CWC27: variants seen among roughly 807,000 people sequenced by gnomAD.
CWC27 encodes CWC27 spliceosome associated cyclophilin.
In CWC27, 47 loss-of-function variants were observed where a neutral mutation model predicts 63.6. The observed-to-expected ratio is 0.74, with a 90% CI of 0.58 to 0.94. The LOEUF is 0.94. CWC27 is among the 40% of genes least tolerant of loss of function. The pLI, the probability that CWC27 is intolerant of heterozygous loss-of-function variation, is 0.00. For synonymous variants in CWC27, 175 were observed against 179.8 expected, an observed-to-expected ratio of 0.97 and a Z score of 0.22; for missense variants, 495 against 554.3, an observed-to-expected ratio of 0.89 and a Z score of 1.07.
At chr5:64,928,861 G>GTT (rs1359588938) in intron 11 of CWC27, among the ~76,000 whole-genome samples, 1 of 151,928 alleles carries the variant, frequency 6.6e-6, no homozygotes. Flanking sequence ...AATAAGTAAT[G>GTT]TTACACTGCT....
chr5:64,818,754 G>C (rs1325429849), intron 10 of CWC27, among the ~76,000 whole-genome samples: 1 of 152,184 alleles, frequency 6.6e-6, no homozygotes, highest in Non-Finnish European at 1.5e-5. Flanking sequence ...GATGGTACTG[G>C]AGAATAGCCC....
intron 1 of CWC27, among the ~76,000 whole-genome samples, chr5:64,774,415 A>G (rs1372730137): frequency 6.6e-6 from 1 of 152,230 alleles, no homozygotes; most frequent in Non-Finnish European, 1.5e-5. Context: ...CGTTTTCTAA[A>G]TGAATGAAGT....
In CWC27 at chr5:64,783,838, T is replaced by A. The variant is rs1433799113; in HGVS notation, c.255T>A (p.Asp85Glu). 1 of 1,569,784 alleles carries A rather than the reference T, an allele frequency of 6.4e-7. No homozygotes were observed. The highest frequency in any genetic ancestry group is 1.4e-5 in the African/African-American group (1 of 72,502). ...CACTAAATCTTTTTACATTTCAGGA[T>A]GAATTTCATTCACGGTTGCGTTTTA... Reference protein sequence around the residue: ...GESIYGAPFKDEFHSRLRFNR... With the variant: ...GESIYGAPFKEEFHSRLRFNR... The change falls in exon 4 of 14, where the codon GAT becomes GAA. Residue 85 changes from aspartate to glutamate, a missense_variant and splice_region_variant. Physicochemically the swap from Asp to Glu is conservative, Grantham distance 45. This residue lies in a region of CWC27 where 463 missense variants were observed against 498.1 expected (regional missense o/e 0.93). Transcript: ENST00000381070.
chr5:64,831,534 G>A (rs1407909660), intron 10 of CWC27, among the ~76,000 whole-genome samples: 3 of 151,006 alleles, frequency 2.0e-5, no homozygotes, highest in Non-Finnish European at 4.4e-5. Flanking sequence ...AGATAGATAT[G>A]GATATAGATA....
At position 64,877,796 on chromosome 5, in the gene CWC27, G is replaced by T. The variant is rs567235148; in HGVS notation, c.939-7647G>T. 2.6e-5 allele frequency among the ~76,000 whole-genome samples: 4 copies of T among 152,042 alleles called. No individual in the cohort carries two copies. In the East Asian group the frequency reaches 5.8e-4, roughly 22 times the overall value. ...GTGGTTAGCAGGTTGAGTGAAAACTGCATGAAGAATTAAGATGTCAGTGTC... is the reference window on the plus strand; with the variant it reads ...GTGGTTAGCAGGTTGAGTGAAAACTTCATGAAGAATTAAGATGTCAGTGTC... On this transcript the variant is annotated intron_variant, in intron 10 of 13. Coordinates refer to ENST00000381070, the MANE Select transcript of CWC27 (RefSeq NM_005869.4).
At chr5:64,779,860 A>G (rs372884893) in intron 2 of CWC27, among the ~76,000 whole-genome samples, 28 of 152,314 alleles carry the variant, frequency 1.8e-4, no homozygotes, top group African/African-American at 6.5e-4. Context: ...TGATGGTTTT[A>G]TAAGCATCTG....
chr5:64,953,386 T>C (rs1748746235), intron 11 of CWC27, among the ~76,000 whole-genome samples: 1 of 151,954 alleles, frequency 6.6e-6, no homozygotes, highest in Admixed American at 6.6e-5. Context: ...TTCACCCGAG[T>C]GAGTGACAGA....
At chr5:64,949,110 AC>A (rs1250817602) in intron 11 of CWC27, among the ~76,000 whole-genome samples, 4 of 151,828 alleles carry the variant, frequency 2.6e-5, no homozygotes, top group Admixed American at 1.3e-4. Flanking sequence ...CTTTATTTAG[AC>A]TTTTTAGATA....
At chr5:65,006,532 G>A (rs1749844572) in intron 13 of CWC27, among the ~76,000 whole-genome samples, 1 of 151,934 alleles carries the variant, frequency 6.6e-6, no homozygotes, top group African/African-American at 2.4e-5. Flanking sequence ...GTAAAATTAA[G>A]AAAACTGCAA....
At chr5:64,947,231 A>AACACTGTTG (rs1748608455) in intron 11 of CWC27, among the ~76,000 whole-genome samples, 1 of 152,098 alleles carries the variant, frequency 6.6e-6, no homozygotes, top group Non-Finnish European at 1.5e-5. Flanking sequence ...AAGTTCTGTC[A>AACACTGTTG]ACACTGTTCC....
At chr5:64,846,270 A>G (rs1418684224) in intron 10 of CWC27, among the ~76,000 whole-genome samples, 1 of 152,242 alleles carries the variant, frequency 6.6e-6, no homozygotes, top group African/African-American at 2.4e-5. Flanking sequence ...ATAATGGTGC[A>G]TAAGGCAATT....
chr5:64,769,505 G>A (rs1743162530), intron 1 of CWC27, among the ~76,000 whole-genome samples: 1 of 152,126 alleles, frequency 6.6e-6, no homozygotes, highest in African/African-American at 2.4e-5. Flanking sequence ...TATATTCTTT[G>A]CTTAACTAAG....
chr5:64,933,404 T>G (rs1414370356), intron 11 of CWC27, among the ~76,000 whole-genome samples: 1 of 152,184 alleles, frequency 6.6e-6, no homozygotes, highest in East Asian at 1.9e-4. Flanking sequence ...ATCTTTTACC[T>G]CGATTTGCCA....
intron 13 of CWC27, among the ~76,000 whole-genome samples, chr5:64,978,193 A>G (rs182624612): frequency 2.2e-4 from 33 of 152,334 alleles, no homozygotes; most frequent in Admixed American, 4.6e-4. Context: ...ATTTAAAAAG[A>G]CATAAAAACA....
intron 11 of CWC27, among the ~76,000 whole-genome samples, chr5:64,913,538 A>G (rs990012669): frequency 2.0e-5 from 3 of 152,106 alleles, no homozygotes. Flanking sequence ...TTCAGTATAC[A>G]TAATTCAGTT....
In CWC27 at chr5:64,804,400, T is replaced by TAGTGA. The variant is rs1744591194; in HGVS notation, c.938+14_938+15insAGTGA. On this transcript the variant is annotated intron_variant, in intron 10 of 13. Coordinates refer to ENST00000381070, the MANE Select transcript of CWC27 (RefSeq NM_005869.4). Reference sequence around the variant, plus strand: ...AGTCAGCCGCAGGTGAGTCAGTTACTGTGCTAGATATCAGAGTTTTTGTCT... The same window carrying TAGTGA: ...AGTCAGCCGCAGGTGAGTCAGTTACTAGTGAGTGCTAGATATCAGAGTTTTTGTCT... 4 of 1,586,708 alleles carry TAGTGA rather than the reference T, an allele frequency of 2.5e-6. No individual in the cohort carries two copies. The highest frequency in any genetic ancestry group is 3.4e-6 in the Non-Finnish European group (4 of 1,168,312).
intron 11 of CWC27, among the ~76,000 whole-genome samples, chr5:64,939,787 G>T (rs750595540): frequency 2.0e-5 from 3 of 152,008 alleles, no homozygotes; most frequent in African/African-American, 4.8e-5. Flanking sequence ...GAATGGGACC[G>T]CTGCCTTTCT....
chr5:64,836,927 A>G (rs1295023844), intron 10 of CWC27, among the ~76,000 whole-genome samples: 1 of 152,090 alleles, frequency 6.6e-6, no homozygotes, highest in Non-Finnish European at 1.5e-5. Context: ...AAAGAGTTGT[A>G]TTTATCTGAG....
intron 10 of CWC27, among the ~76,000 whole-genome samples, chr5:64,861,908 C>T (rs1746421543): frequency 6.6e-6 from 1 of 152,108 alleles, no homozygotes; most frequent in African/African-American, 2.4e-5. Flanking sequence ...AATATGATAA[C>T]GATTTTAATA....
Sources: gnomAD v4.1 joint callset for allele counts (sites outside exome capture counted in the v4.1 genomes callset) on GRCh38, gnomAD v4.1.1 for gene constraint, gnomAD v4.1.1 regional missense constraint, MANE v1.5 for transcripts, NCBI Gene and HGNC (gene_info 2026-07-23, HGNC 2026-07-21) for gene names.